AGBL2: variants seen among roughly 807,000 people sequenced by gnomAD.
AGBL2 encodes the protein AGBL carboxypeptidase 2, also known as cytosolic carboxypeptidase 2.
In AGBL2, 87 loss-of-function variants were observed where a neutral mutation model predicts 103.0. The ratio of observed to expected loss-of-function variants is 0.84; its 90% CI spans 0.71 to 1.01. The LOEUF is 1.01. AGBL2 is among the 50% of genes least tolerant of loss of function. AGBL2 has a pLI of 0.00. For missense variants in AGBL2, 904 were observed against 1,023.5 expected (o/e 0.88, Z 1.59); for synonymous variants, 335 against 356.7 (o/e 0.94, Z 0.69).
chr11:47,678,274 A>T (rs557132962), intron 13 of AGBL2, among the ~76,000 whole-genome samples: 1 of 147,134 alleles, frequency 6.8e-6, no homozygotes, highest in Non-Finnish European at 1.5e-5. Flanking sequence ...CAACTTCTTC[A>T]ACAATGCAAT....
intron 10 of AGBL2, 101 bp downstream of exon 10, chr11:47,689,975 T>C: frequency 9.5e-7 from 1 of 1,053,200 alleles, no homozygotes; most frequent in South Asian, 1.7e-5. Context: ...TCATACTCAA[T>C]TCCTTTAACA....
In AGBL2 at chr11:47,714,078, T is replaced by C. The variant is rs1222070401; in HGVS notation, c.97+206A>G. 7.2e-6 allele frequency: 4 copies of C among 553,064 alleles called. No individual in the cohort carries two copies. The Admixed American group carries it at 1.2e-4, about 17-fold the overall frequency. The allele number at this position is 553,064 out of a possible 1,614,324, so 34.3% of individuals were successfully genotyped here. A position where few individuals can be genotyped will look rare whatever the true frequency, so the allele number is the denominator to read the frequency against. On this transcript the variant is annotated intron_variant, in intron 3 of 18. Transcript: ENST00000525123. ...AATAGAGAGCCCAGAAACAGACCTT[T>C]GTATTAAGTGATGCTGTCTACTTGA... is the stretch of plus-strand genomic sequence containing the variant.
In AGBL2 at chr11:47,667,004, C is replaced by G; in HGVS notation, c.2400G>C (p.Glu800Asp). Residue 800 changes from glutamate (E) to aspartate (D), a missense_variant, in exon 17 of 19, where the codon GAG (glutamate) becomes GAC (aspartate). Transcript: ENST00000525123. ...QKQPTFFKNS[E>D]NSSFLPMKNE... ...TTTTCATTGGTAAAAAACTGGAATT[C>G]TCTGAGTTTTTGAAAAAGGTTGGCT... 2.5e-6 allele frequency: 4 copies of G among 1,613,540 alleles called. No homozygotes were observed. The highest frequency in any genetic ancestry group is 3.4e-6 in the Non-Finnish European group (4 of 1,179,872).
At chr11:47,714,944 G>A in intron 1 of AGBL2, 194 bp from the exon 2 acceptor site, 1 of 432,138 alleles carries the variant, frequency 2.3e-6, no homozygotes, top group South Asian at 2.5e-5. Flanking sequence ...CAAGGTGCTG[G>A]CCCCATGCTT....
intron 11 of AGBL2, among the ~76,000 whole-genome samples, chr11:47,684,224 G>A (rs2097414455): frequency 6.6e-6 from 1 of 151,944 alleles, no homozygotes; most frequent in Non-Finnish European, 1.5e-5. Flanking sequence ...AGTGAGTGGA[G>A]ATCGTGTTAC....
chr11:47,713,300 C>T (rs188140892), intron 3 of AGBL2, among the ~76,000 whole-genome samples: 5 of 146,798 alleles, frequency 3.4e-5, no homozygotes, highest in Admixed American at 6.8e-5. Flanking sequence ...GCCGAGATTG[C>T]GCCATTGCAT....
chr11:47,659,708 C>T lies in AGBL2; in HGVS notation c.*465G>A, dbSNP rs115350026. On this transcript the variant is annotated 3_prime_UTR_variant, in exon 19 of 19. Transcript: ENST00000525123. ...CATTGTTATTTCTATGTGGGAATAC[C>T]TCATTGTGAGCAAACCTGACATACA... 1,255 of 152,814 alleles carry T rather than the reference C, an allele frequency of 8.2e-3. 17 individuals are homozygous for T. The highest frequency in any genetic ancestry group is 0.028 in the African/African-American group (1,173 of 41,512). 9.5% of individuals were successfully genotyped at this position (152,814 alleles called of 1,614,324 possible). A position where few individuals can be genotyped will look rare whatever the true frequency, so the allele number is the denominator to read the frequency against.
intron 15 of AGBL2, among the ~76,000 whole-genome samples, chr11:47,668,592 AG>A (rs1565006540): frequency 1.3e-5 from 2 of 152,210 alleles, no homozygotes; most frequent in South Asian, 4.1e-4. Flanking sequence ...TATCAGGCCC[AG>A]ATATTAATGA....
rs776851106 is a variant in AGBL2 at position 47,692,273 on chromosome 11, T to C, written c.695-17A>G. The C allele has an allele frequency of 2.5e-6, 4 of 1,611,906 alleles. No homozygotes were observed. Among genetic ancestry groups the C allele is most frequent in the African/African-American group, 2.7e-5 (2 of 74,838 alleles). ...CTATAGGCACTGCAGAGAAAAGATATATTTAGGCTAGGTTCTACTCAGAAT... is the reference window on the plus strand; with the variant it reads ...CTATAGGCACTGCAGAGAAAAGATACATTTAGGCTAGGTTCTACTCAGAAT... On this transcript the variant is annotated splice_polypyrimidine_tract_variant and intron_variant, in intron 8 of 18. Coordinates refer to ENST00000525123, the MANE Select transcript of AGBL2 (RefSeq NM_024783.4).
intron 8 of AGBL2, among the ~76,000 whole-genome samples, chr11:47,693,261 A>T (rs902854376): frequency 5.9e-5 from 9 of 152,056 alleles, no homozygotes; most frequent in Admixed American, 5.9e-4. Flanking sequence ...ATCTGAGTTC[A>T]AGTGAACCTC....
intron 12 of AGBL2, among the ~76,000 whole-genome samples, chr11:47,680,926 G>T (rs1416855313): frequency 6.6e-6 from 1 of 152,168 alleles, no homozygotes; most frequent in South Asian, 2.1e-4. Context: ...TAATCATGAT[G>T]GTTCTAATTA....
chr11:47,699,490 A>C lies in AGBL2; in HGVS notation c.650T>G (p.Ile217Ser). The change falls in exon 8 of 19, where the codon ATT becomes AGT. Residue 217 changes from isoleucine to serine, a missense_variant. Physicochemically the swap from Ile to Ser is moderately radical, Grantham distance 142. Coordinates refer to ENST00000525123, the MANE Select transcript of AGBL2 (RefSeq NM_024783.4). The part of the protein sequence containing the change: ...QPKGNEKVPE[I>S]VGEKKGTVVY... Reference sequence around the variant, plus strand: ...AACTGTTCCTTTTTTCTCTCCTACAATCTCTGGTACCTTTTCATTTCCTTT... The same window carrying C: ...AACTGTTCCTTTTTTCTCTCCTACACTCTCTGGTACCTTTTCATTTCCTTT... The C allele has an allele frequency of 1.9e-6, 3 of 1,610,320 alleles. No individual in the cohort carries two copies. Among genetic ancestry groups the C allele is most frequent in the Non-Finnish European group, 2.5e-6 (3 of 1,177,820 alleles).
At chr11:47,688,137 A>G (rs978227963) in intron 10 of AGBL2, among the ~76,000 whole-genome samples, 9 of 151,706 alleles carry the variant, frequency 5.9e-5, no homozygotes, top group Non-Finnish European at 7.4e-5. Context: ...TGCAAATACA[A>G]CCTAATACAC....
chr11:47,662,970 A>T, intron 18 of AGBL2, 56 bp downstream of exon 18: 9 of 1,342,194 alleles, frequency 6.7e-6, no homozygotes, highest in Non-Finnish European at 9.5e-6. Context: ...ACATTTGAGA[A>T]CTAATTAAAA....
chr11:47,680,772 C>T (rs192123524), intron 12 of AGBL2, among the ~76,000 whole-genome samples: 8 of 133,502 alleles, frequency 6.0e-5, no homozygotes, highest in Non-Finnish European at 1.3e-4. Context: ...GCCTGGGTAA[C>T]AGAGGGAGAC....
intron 8 of AGBL2, among the ~76,000 whole-genome samples, chr11:47,695,019 G>A (rs1034741672): frequency 6.6e-6 from 1 of 151,828 alleles, no homozygotes; most frequent in African/African-American, 2.4e-5. Context: ...GTGTGATGGC[G>A]GGTGCCTGTA....
rs2097324493 is a variant in AGBL2, at chr11:47,660,220, C to A, written c.2662G>T (p.Ala888Ser). 12 of 1,614,166 alleles carry A rather than the reference C, an allele frequency of 7.4e-6. No individual in the cohort carries two copies. Among genetic ancestry groups the A allele is most frequent in the Non-Finnish European group, 1.0e-5 (12 of 1,180,042 alleles). ...AAGGATGGGTATGCCGCCATGGCAG[C>A]ACAGCCTCTCTTTGTGGCAGGATAT... ...SRYPATKRGC[A>S]AMAAYPSLHI... Residue 888 changes from alanine (A) to serine (S), a missense_variant, in exon 19 of 19, where the codon GCT becomes TCT. Coordinates refer to ENST00000525123, the MANE Select transcript of AGBL2 (RefSeq NM_024783.4).
At chr11:47,704,508 A>C in intron 7 of AGBL2, 35 bp downstream of exon 7, 1 of 1,452,556 alleles carries the variant, frequency 6.9e-7, no homozygotes, top group Non-Finnish European at 9.3e-7. Context: ...AAAGTCAGGC[A>C]GAATAGCAAG....
At chr11:47,696,037 GA>G (rs71045503) in intron 8 of AGBL2, among the ~76,000 whole-genome samples, 140 of 88,950 alleles carry the variant, frequency 1.6e-3, no homozygotes, top group African/African-American at 6.4e-3. Context: ...AAAAAAAAAA[GA>G]AAAAAAAAAA....
Sources: gnomAD v4.1 joint callset for allele counts (sites outside exome capture counted in the v4.1 genomes callset) on GRCh38, gnomAD v4.1.1 for gene constraint, MANE v1.5 for transcripts, NCBI Gene and HGNC (gene_info 2026-07-23, HGNC 2026-07-21) for gene names.